VAT1L: variants seen among roughly 807,000 people sequenced by gnomAD.
The protein encoded by VAT1L is vesicle amine transport 1 like.
Under a neutral mutation model 44.1 loss-of-function variants are expected in VAT1L, and 34 were observed. The observed-to-expected ratio is 0.77, with a 90% CI of 0.59 to 1.03. The LOEUF is 1.03. Ranked by LOEUF, VAT1L falls within the 50% of genes least tolerant of loss-of-function variation. The pLI is 0.00. For synonymous variants in VAT1L, 253 were observed against 202.2 expected, an observed-to-expected ratio of 1.25 and a Z score of -2.13; for missense variants, 615 against 538.8, an observed-to-expected ratio of 1.14 and a Z score of -1.40.
chr16:77,870,135 C>A (rs937044845), intron 4 of VAT1L, among the ~76,000 whole-genome samples: 4 of 152,188 alleles, frequency 2.6e-5, no homozygotes, highest in African/African-American at 7.2e-5. Context: ...GGGCTTGGCC[C>A]CCTGTGAGAA....
chr16:77,897,753 G>A (rs995684187), intron 7 of VAT1L, among the ~76,000 whole-genome samples: 5 of 152,168 alleles, frequency 3.3e-5, no homozygotes, highest in Non-Finnish European at 5.9e-5. Flanking sequence ...GGGATTCCAG[G>A]TGTGAGCCAC....
rs189040347 is a variant in VAT1L, at chr16:77,877,646, C to A, written c.826+1173C>A. 6.7e-4 allele frequency among the ~76,000 whole-genome samples: 102 copies of A among 151,676 alleles called. 1 individual carries two copies. The East Asian group carries it at 0.014, about 21-fold the overall frequency. ...TATCCAATGTTTAAGATTCTTGGTA[C>A]CTTGTCCCCTGTAGGTACAATAGAA... On this transcript the variant is annotated intron_variant, in intron 5 of 8. Transcript: ENST00000302536.
intron 7 of VAT1L, among the ~76,000 whole-genome samples, chr16:77,903,734 C>CTTT (rs552342074): frequency 5.6e-5 from 7 of 124,360 alleles, no homozygotes; most frequent in African/African-American, 9.1e-5. Context: ...TCTCTCATTA[C>CTTT]TTTTTTTTTT....
intron 4 of VAT1L, among the ~76,000 whole-genome samples, chr16:77,870,924 G>A (rs1265902753): frequency 6.6e-6 from 1 of 152,156 alleles, no homozygotes; most frequent in Admixed American, 6.5e-5. Context: ...GCTTTTCAGT[G>A]TGGGTGTAAC....
rs1364618194 is a variant in VAT1L, at chr16:77,816,922, G to A, written c.235G>A (p.Gly79Arg). 6.2e-7 allele frequency: 1 copy of A among 1,612,880 alleles called. No individual in the cohort carries two copies. Among genetic ancestry groups the A allele is most frequent in the Non-Finnish European group, 8.5e-7 (1 of 1,179,478 alleles). The part of the protein sequence containing the change: ...GELKIRVKAC[G>R]LNFIDLMVRQ... ...TCCTTTCACATTTGCTCTTTACAGT[G>A]GATTAAACTTCATTGACTTGATGGT... The change falls in exon 2 of 9, where the codon GGA (glycine) becomes AGA (arginine). Residue 79 changes from glycine to arginine, a missense_variant and splice_region_variant. Physicochemically the swap from Gly to Arg is moderately radical, Grantham distance 125. Transcript: ENST00000302536.
chr16:77,938,381 C>T (rs1384418199), intron 7 of VAT1L, among the ~76,000 whole-genome samples: 1 of 152,156 alleles, frequency 6.6e-6, no homozygotes, highest in Non-Finnish European at 1.5e-5. Context: ...TTTTCTAGAA[C>T]TTATAGTCTA....
chr16:77,967,588 T>C (rs2018236232), intron 7 of VAT1L, among the ~76,000 whole-genome samples: 1 of 152,184 alleles, frequency 6.6e-6, no homozygotes, highest in African/African-American at 2.4e-5. Context: ...ATCCTTTCCG[T>C]AAGGGACTTC....
chr16:77,935,133 A>C (rs913422551), intron 7 of VAT1L, among the ~76,000 whole-genome samples: 1 of 152,126 alleles, frequency 6.6e-6, no homozygotes, highest in African/African-American at 2.4e-5. Context: ...TTCTATTGAA[A>C]CCAGCAAAAT....
intron 7 of VAT1L, among the ~76,000 whole-genome samples, chr16:77,936,700 C>A (rs549714093): frequency 6.6e-6 from 1 of 152,260 alleles, no homozygotes; most frequent in African/African-American, 2.4e-5. Flanking sequence ...AGAGGAGGGG[C>A]CAGGCTCCTC....
chr16:77,921,022 A>G (rs1398771841), intron 7 of VAT1L, among the ~76,000 whole-genome samples: 1 of 152,216 alleles, frequency 6.6e-6, no homozygotes, highest in East Asian at 1.9e-4. Flanking sequence ...GTTAACACAA[A>G]TATCCATTTC....
chr16:77,909,620 G>A (rs1387078854), intron 7 of VAT1L, among the ~76,000 whole-genome samples: 1 of 125,688 alleles, frequency 8.0e-6, no homozygotes, highest in African/African-American at 3.1e-5. Context: ...CTGGGCGACA[G>A]AGGGAGACTC....
At chr16:77,834,449 A>T (rs2016616981) in intron 3 of VAT1L, among the ~76,000 whole-genome samples, 1 of 152,172 alleles carries the variant, frequency 6.6e-6, no homozygotes, top group African/African-American at 2.4e-5. Context: ...CGAAACATGG[A>T]CAGAGGTATG....
intron 1 of VAT1L, among the ~76,000 whole-genome samples, chr16:77,796,184 A>G (rs980665022): frequency 1.1e-4 from 16 of 152,174 alleles, no homozygotes; most frequent in African/African-American, 3.6e-4. Flanking sequence ...ATACAACCTT[A>G]TAGAACATTC....
intron 1 of VAT1L, among the ~76,000 whole-genome samples, chr16:77,809,723 G>T (rs1178003657): frequency 6.6e-6 from 1 of 152,214 alleles, no homozygotes; most frequent in Non-Finnish European, 1.5e-5. Flanking sequence ...AAGAGAGAGG[G>T]TTCATAGTCT....
chr16:77,944,354 G>A (rs371296983), intron 7 of VAT1L, among the ~76,000 whole-genome samples: 1 of 152,084 alleles, frequency 6.6e-6, no homozygotes, highest in Non-Finnish European at 1.5e-5. Context: ...CCTAAAAATT[G>A]TAACTAAATT....
At chr16:77,940,351 T>TG (rs1157063707) in intron 7 of VAT1L, among the ~76,000 whole-genome samples, 1 of 149,244 alleles carries the variant, frequency 6.7e-6, no homozygotes, top group Non-Finnish European at 1.5e-5. Flanking sequence ...TTTTTTTTTT[T>TG]TTTTTTTTTG....
intron 7 of VAT1L, among the ~76,000 whole-genome samples, chr16:77,953,288 A>T (rs2018065135): frequency 6.6e-6 from 1 of 152,212 alleles, no homozygotes; most frequent in South Asian, 2.1e-4. Flanking sequence ...GTTTCAAGCC[A>T]CCTGGTTTGT....
chr16:77,809,806 G>C (rs143408514), intron 1 of VAT1L, among the ~76,000 whole-genome samples: 325 of 152,290 alleles, frequency 2.1e-3, no homozygotes, highest in African/African-American at 7.7e-3. Flanking sequence ...CTCCAGATTT[G>C]AAGAAAGGAT....
intron 4 of VAT1L, among the ~76,000 whole-genome samples, chr16:77,870,681 G>A (rs1201492349): frequency 2.0e-5 from 3 of 152,170 alleles, no homozygotes; most frequent in Non-Finnish European, 4.4e-5. Flanking sequence ...TTTTAAATCC[G>A]CAGAGATTTA....
Sources: gnomAD v4.1 joint callset for allele counts (sites outside exome capture counted in the v4.1 genomes callset) on GRCh38, gnomAD v4.1.1 for gene constraint, MANE v1.5 for transcripts, NCBI Gene and HGNC (gene_info 2026-07-23, HGNC 2026-07-21) for gene names.